GORASP2: variants seen among roughly 807,000 people sequenced by gnomAD.
GORASP2 encodes golgi reassembly stacking protein 2.
Under a neutral mutation model 45.7 loss-of-function variants are expected in GORASP2, and 22 were observed. That is an observed-to-expected ratio of 0.48 (90% CI 0.34 to 0.69). The LOEUF (loss-of-function observed/expected upper bound fraction) is 0.69. Ranked by LOEUF, GORASP2 falls within the 30% of genes least tolerant of loss-of-function variation. GORASP2 has a pLI of 0.01. For missense variants in GORASP2, 491 were observed against 562.7 expected (o/e 0.87, Z 1.29); for synonymous variants, 221 against 215.6 (o/e 1.02, Z -0.22).
Position 170,965,911 on chromosome 2 carries a change from A to G in GORASP2, c.1140A>G (p.Ser380=). Residue 380 remains serine, a synonymous_variant, in exon 10 of 10, where the codon TCA becomes TCG. Coordinates refer to ENST00000234160, the MANE Select transcript of GORASP2 (RefSeq NM_015530.5). The part of the protein sequence containing the change: ...LVPESSSAAS[S]GELLSSLPPT... ...CAGAGAGCTCTTCTGCAGCAAGCTC[A>G]GGAGAGCTGCTGTCTTCCCTCCCGC... 2 of 1,613,766 alleles carry G rather than the reference A, an allele frequency of 1.2e-6. No homozygotes were observed. The highest frequency in any genetic ancestry group is 1.7e-6 in the Non-Finnish European group (2 of 1,179,764).
At chr2:170,934,856 G>A (rs1445405311) in intron 1 of GORASP2, among the ~76,000 whole-genome samples, 3 of 151,928 alleles carry the variant, frequency 2.0e-5, no homozygotes, top group Non-Finnish European at 4.4e-5. Flanking sequence ...TCCTGCCTCA[G>A]CCTCCAGAGT....
At chr2:170,952,347 T>C (rs1002157041) in intron 5 of GORASP2, among the ~76,000 whole-genome samples, 1 of 152,260 alleles carries the variant, frequency 6.6e-6, no homozygotes. Context: ...TGTTTAATAC[T>C]GTCAGTTGGC....
chr2:170,954,656 A>G lies in GORASP2; in HGVS notation c.573A>G (p.Gly191=), dbSNP rs1365966571. The G allele has an allele frequency of 6.2e-7, 1 of 1,611,840 alleles. No individual in the cohort carries two copies. Among genetic ancestry groups the G allele is most frequent in the East Asian group, 2.2e-5 (1 of 44,846 alleles). The change falls in exon 6 of 10, where the codon GGA becomes GGG. Residue 191 remains glycine (G), a synonymous_variant. Transcript: ENST00000234160. ...NSAWGGEGSL[G]CGIGYGYLHR... is the part of the protein sequence containing the mutation. Reference sequence around the variant, plus strand: ...GAAAAAAATGTTTTTATAGCCTAGGATGTGGCATTGGATATGGTTATTTGC... The same window carrying G: ...GAAAAAAATGTTTTTATAGCCTAGGGTGTGGCATTGGATATGGTTATTTGC...
chr2:170,964,137 C>T (rs921295635), intron 9 of GORASP2, among the ~76,000 whole-genome samples: 1 of 152,188 alleles, frequency 6.6e-6, no homozygotes, highest in Non-Finnish European at 1.5e-5. Context: ...CAAGTCCATG[C>T]AGTTAATGAT....
At chr2:170,951,745 A>G (rs1033437902) in intron 5 of GORASP2, 5 of 183,088 alleles carry the variant, frequency 2.7e-5, no homozygotes, top group Non-Finnish European at 5.6e-5. Context: ...AGAAAAGCCT[A>G]GAATTTGGAA....
chr2:170,960,853 T>C (rs1017939327), intron 7 of GORASP2, among the ~76,000 whole-genome samples: 4 of 152,240 alleles, frequency 2.6e-5, no homozygotes, highest in Non-Finnish European at 4.4e-5. Flanking sequence ...TTCATACTTT[T>C]AGGCACAATT....
intron 9 of GORASP2, among the ~76,000 whole-genome samples, chr2:170,963,213 A>C (rs1043317407): frequency 3.3e-5 from 5 of 151,998 alleles, no homozygotes; most frequent in African/African-American, 1.2e-4. Context: ...TCTCTACTGA[A>C]AAAATATAAA....
chr2:170,936,789 T>A, intron 1 of GORASP2: 1 of 459,000 alleles, frequency 2.2e-6, no homozygotes, highest in Non-Finnish European at 4.1e-6. Flanking sequence ...CCGGTCTCAA[T>A]AAAAGCAAAA....
chr2:170,956,641 T>A, intron 7 of GORASP2, 82 bp downstream of exon 7: 1 of 1,226,450 alleles, frequency 8.2e-7, no homozygotes, highest in Non-Finnish European at 1.1e-6. Context: ...CCAGACACAG[T>A]GGCTCACACC....
In GORASP2 at chr2:170,961,673, A is replaced by G. The variant is rs1453839528; in HGVS notation, c.834A>G (p.Thr278=). The G allele has an allele frequency of 5.1e-6, 8 of 1,560,382 alleles. No individual in the cohort carries two copies. Among genetic ancestry groups the G allele is most frequent in the Non-Finnish European group, 7.1e-6 (8 of 1,131,114 alleles). ...VSSVLSTGVP[T]VPLLPPQVNQ... ...GTGCTTTCTTTTTAGGTGTACCAAC[A>G]GTACCGTTATTGCCACCACAAGTAA... The change falls in exon 8 of 10, where the codon ACA becomes ACG. Residue 278 remains threonine (T), a synonymous_variant. Transcript: ENST00000234160.
rs116713568 is a variant in GORASP2 at position 170,942,456 on chromosome 2, C to T, written c.64-5894C>T. Among the ~76,000 whole-genome samples the T allele has an allele frequency of 5.8e-3, 889 of 152,268 alleles. 11 individuals are homozygous for T. Among genetic ancestry groups the T allele is most frequent in the African/African-American group, 0.02 (824 of 41,570 alleles). On this transcript the variant is annotated intron_variant, in intron 1 of 9. Transcript: ENST00000234160. ...ATGGATTTGTCTATTGCGGACATTT[C>T]ATATTAATTGAATCAAACAATATGT...
intron 4 of GORASP2, 147 bp from the exon 5 acceptor site, chr2:170,951,181 A>C: frequency 1.7e-6 from 1 of 590,238 alleles, no homozygotes; most frequent in Non-Finnish European, 2.9e-6. Context: ...ATTGAATTAA[A>C]CCTGCTTGTG....
intron 1 of GORASP2, chr2:170,936,586 G>A (rs1368081778): frequency 8.1e-7 from 1 of 1,238,368 alleles, no homozygotes; most frequent in Non-Finnish European, 1.1e-6. Flanking sequence ...ACTGTAGCAT[G>A]AAGATAATTA....
In GORASP2 at chr2:170,951,339, A is replaced by C. The variant is rs141501222; in HGVS notation, c.447A>C (p.Leu149=). Residue 149 remains leucine, a synonymous_variant, in exon 5 of 10, where the codon CTA becomes CTC. Coordinates refer to ENST00000234160, the MANE Select transcript of GORASP2 (RefSeq NM_015530.5). ...ADTVMNESED[L]FSLIETHEAK... is the part of the protein sequence containing the mutation. ...TGACACTTTTGCAGTCTGAAGATCT[A>C]TTCAGCCTTATCGAAACACATGAAG... The C allele has an allele frequency of 2.5e-6, 4 of 1,607,446 alleles. No individual in the cohort carries two copies. The African/African-American group carries it at 4.0e-5, about 16-fold the overall frequency.
intron 1 of GORASP2, among the ~76,000 whole-genome samples, chr2:170,933,692 A>G (rs1159776096): frequency 9.3e-6 from 1 of 107,870 alleles, no homozygotes; most frequent in Non-Finnish European, 2.1e-5. Context: ...AAATATTCAT[A>G]TTCTGTTCCA....
At chr2:170,933,928 G>C (rs936283535) in intron 1 of GORASP2, among the ~76,000 whole-genome samples, 4 of 152,214 alleles carry the variant, frequency 2.6e-5, no homozygotes, top group African/African-American at 9.6e-5. Flanking sequence ...ATTTGCTGCA[G>C]ACTGGGTAAC....
chr2:170,945,519 G>T (rs1257065599), intron 1 of GORASP2, among the ~76,000 whole-genome samples: 6 of 92,622 alleles, frequency 6.5e-5, no homozygotes, highest in Non-Finnish European at 1.2e-4. Flanking sequence ...AAAAAAAGAA[G>T]AAGAAGAAGA....
At chr2:170,929,559 G>A (rs1703763384) in intron 1 of GORASP2, 156 bp downstream of exon 1, 5 of 628,658 alleles carry the variant, frequency 8.0e-6, no homozygotes, top group South Asian at 4.4e-5. Flanking sequence ...GCTGGTTCCG[G>A]AGGCCGCTCG....
intron 7 of GORASP2, among the ~76,000 whole-genome samples, chr2:170,957,461 A>T (rs1048440605): frequency 6.6e-6 from 1 of 152,128 alleles, no homozygotes; most frequent in Admixed American, 6.6e-5. Context: ...TATTTTTAGT[A>T]GAGACGGTTT....
Sources: gnomAD v4.1 joint callset for allele counts (sites outside exome capture counted in the v4.1 genomes callset) on GRCh38, gnomAD v4.1.1 for gene constraint, MANE v1.5 for transcripts, NCBI Gene and HGNC (gene_info 2026-07-23, HGNC 2026-07-21) for gene names.